Variants in TTC28 observed in about 807,000 individuals in gnomAD.
TTC28 encodes the protein tetratricopeptide repeat domain 28.
Under a neutral mutation model 198.0 loss-of-function variants are expected in TTC28, and 61 were observed. The observed-to-expected ratio is 0.31, with a 90% CI of 0.25 to 0.38. The LOEUF (loss-of-function observed/expected upper bound fraction) is 0.38, where lower values mean the gene tolerates loss of function less well. TTC28 is among the 10% of genes least tolerant of loss of function. TTC28 has a pLI of 1.00. For missense variants in TTC28, 2,678 were observed against 3,164.0 expected, an observed-to-expected ratio of 0.85 and a Z score of 3.69; for synonymous variants, 1,171 against 1,297.8, an observed-to-expected ratio of 0.90 and a Z score of 2.10.
chr22:28,385,351 G>C lies in TTC28; in HGVS notation c.382-78708C>G, dbSNP rs2046562586. ...GGGTTCAAGCAATTCTCCTGCCTCA[G>C]CCTCCCAAGTAGCTAGGATTACAAG... On this transcript the variant is annotated intron_variant, in intron 2 of 22. Coordinates refer to ENST00000397906, the MANE Select transcript of TTC28 (RefSeq NM_001145418.2). 2.0e-5 allele frequency among the ~76,000 whole-genome samples: 3 copies of C among 149,890 alleles called. No homozygotes were observed. The South Asian group carries it at 6.4e-4, about 32-fold the overall frequency.
Position 28,014,409 on chromosome 22 carries a change from C to T in TTC28, c.4074-17G>A, listed in dbSNP as rs539702423. On this transcript the variant is annotated splice_polypyrimidine_tract_variant and intron_variant, in intron 13 of 22. Coordinates refer to ENST00000397906, the MANE Select transcript of TTC28 (RefSeq NM_001145418.2). The stretch of plus-strand genomic sequence containing the variant: ...TGGCAGCTCCTGGGGAGGGAAGGGC[C>T]GAGGGATCAATCAGGGCCACTCAGA... The T allele has an allele frequency of 2.2e-4, 342 of 1,542,790 alleles. 4 individuals carry two copies. In the Admixed American group the frequency reaches 6.1e-3, roughly 27 times the overall value.
intron 14 of TTC28, chr22:28,007,028 A>G (rs1937955988): frequency 6.6e-6 from 1 of 152,106 alleles, no homozygotes; most frequent in African/African-American, 2.4e-5. Flanking sequence ...ATCTCTGATC[A>G]CCATGGGGGA....
At chr22:28,391,555 T>A (rs1030069713) in intron 2 of TTC28, among the ~76,000 whole-genome samples, 1 of 152,214 alleles carries the variant, frequency 6.6e-6, no homozygotes, top group African/African-American at 2.4e-5. Flanking sequence ...TTATTCTTTT[T>A]TCTCTAAACT....
intron 5 of TTC28, among the ~76,000 whole-genome samples, chr22:28,288,388 G>C (rs1171739326): frequency 6.6e-6 from 1 of 152,100 alleles, no homozygotes; most frequent in Non-Finnish European, 1.5e-5. Context: ...AACATCATAT[G>C]TATGACCAAA....
chr22:28,560,229 C>G (rs1340377735), intron 2 of TTC28, among the ~76,000 whole-genome samples: 1 of 152,160 alleles, frequency 6.6e-6, no homozygotes. Context: ...GCTGTTTTTA[C>G]CACCTCAACA....
chr22:28,289,567 G>A (rs911460794), intron 5 of TTC28, among the ~76,000 whole-genome samples: 6 of 152,116 alleles, frequency 3.9e-5, no homozygotes, highest in Admixed American at 6.6e-5. Flanking sequence ...CTATGCATTC[G>A]TGTGTCTGTA....
chr22:28,026,680 G>A (rs763311814), intron 13 of TTC28, among the ~76,000 whole-genome samples: 1 of 152,118 alleles, frequency 6.6e-6, no homozygotes, highest in African/African-American at 2.4e-5. Flanking sequence ...TGTCTAGCAG[G>A]GCACTAGAGG....
chr22:28,060,337 A>C (rs989619217), intron 12 of TTC28, among the ~76,000 whole-genome samples: 1 of 152,168 alleles, frequency 6.6e-6, no homozygotes, highest in Non-Finnish European at 1.5e-5. Flanking sequence ...TATGAATGAG[A>C]ACATGCGGTG....
chr22:28,068,537 G>A (rs1358496393), intron 12 of TTC28, among the ~76,000 whole-genome samples: 1 of 152,134 alleles, frequency 6.6e-6, no homozygotes, highest in East Asian at 1.9e-4. Context: ...AGCGGGCAAG[G>A]AGTTTATATT....
intron 2 of TTC28, among the ~76,000 whole-genome samples, chr22:28,489,638 T>C (rs550152254): frequency 1.3e-5 from 2 of 152,224 alleles, no homozygotes; most frequent in East Asian, 3.9e-4. Context: ...CAGGCTAGGT[T>C]AGCTAGGTAT....
chr22:28,193,886 A>G (rs576223907), intron 5 of TTC28, among the ~76,000 whole-genome samples: 1 of 152,302 alleles, frequency 6.6e-6, no homozygotes, highest in South Asian at 2.1e-4. Context: ...AACGAGACAG[A>G]AAGTTAAAAA....
At chr22:28,507,187 A>T (rs762655596) in intron 2 of TTC28, among the ~76,000 whole-genome samples, 2 of 152,230 alleles carry the variant, frequency 1.3e-5, no homozygotes, top group Non-Finnish European at 2.9e-5. Flanking sequence ...GCTGATAGCC[A>T]GAATAGCCAG....
chr22:28,253,479 T>A (rs1380838724), intron 5 of TTC28, among the ~76,000 whole-genome samples: 1 of 152,198 alleles, frequency 6.6e-6, no homozygotes, highest in Admixed American at 6.5e-5. Flanking sequence ...GTTTGCTCTC[T>A]CCTACATGCA....
intron 2 of TTC28, among the ~76,000 whole-genome samples, chr22:28,441,152 A>C (rs926849424): frequency 6.6e-6 from 1 of 152,220 alleles, no homozygotes; most frequent in African/African-American, 2.4e-5. Flanking sequence ...GCCAAGAATA[A>C]TACTTCCGTG....
At chr22:28,271,485 T>C (rs895863725) in intron 5 of TTC28, among the ~76,000 whole-genome samples, 32 of 152,184 alleles carry the variant, frequency 2.1e-4, no homozygotes, top group African/African-American at 7.7e-4. Context: ...CACCCAAATC[T>C]CATCTTGAAT....
At chr22:28,134,711 T>C (rs1208062543) in intron 6 of TTC28, among the ~76,000 whole-genome samples, 5 of 152,138 alleles carry the variant, frequency 3.3e-5, no homozygotes. Context: ...AAAGACCAAA[T>C]CTACGTCTGA....
intron 2 of TTC28, among the ~76,000 whole-genome samples, chr22:28,361,347 C>A (rs1488589739): frequency 2.0e-5 from 3 of 152,040 alleles, no homozygotes; most frequent in Non-Finnish European, 2.9e-5. Context: ...AATAAGAAAG[C>A]GAAACAGCCT....
intron 1 of TTC28, among the ~76,000 whole-genome samples, chr22:28,671,479 C>CA (rs1482054101): frequency 6.6e-6 from 1 of 151,336 alleles, no homozygotes; most frequent in African/African-American, 2.4e-5. Flanking sequence ...ACTAAAAATA[C>CA]AAAAAATTAG....
At chr22:28,149,225 T>C (rs1363376005) in intron 6 of TTC28, among the ~76,000 whole-genome samples, 1 of 152,190 alleles carries the variant, frequency 6.6e-6, no homozygotes, top group Non-Finnish European at 1.5e-5. Flanking sequence ...GGAAGTCAGA[T>C]CTGGTTTGGA....
Sources: allele counts gnomAD v4.1 joint callset (sites outside exome capture counted in the v4.1 genomes callset), GRCh38; gene constraint gnomAD v4.1.1; transcripts MANE v1.5; gene names NCBI Gene and HGNC (gene_info 2026-07-23, HGNC 2026-07-21).